UGT1A4: variants seen among roughly 807,000 people sequenced by gnomAD.
UGT1A4 encodes the protein UDP-glucuronosyltransferase 1A4.
Under a neutral mutation model 41.1 loss-of-function variants are expected in UGT1A4, and 32 were observed. The observed-to-expected ratio is 0.78, with a 90% CI of 0.59 to 1.05. The LOEUF is 1.05. UGT1A4 is among the 50% of genes least tolerant of loss of function. The pLI is 0.00. For synonymous variants in UGT1A4, 283 were observed against 265.1 expected (o/e 1.07, Z -0.66); for missense variants, 748 against 677.4 (o/e 1.10, Z -1.16).
chr2:233,766,561 C>T (rs1699182212), intron 1 of UGT1A4, among the ~76,000 whole-genome samples: 1 of 152,200 alleles, frequency 6.6e-6, no homozygotes, highest in Non-Finnish European at 1.5e-5. Context: ...CACCTAGGTC[C>T]ATGGGCACAG....
At chr2:233,762,468 G>A (rs976449997) in intron 1 of UGT1A4, among the ~76,000 whole-genome samples, 1 of 152,122 alleles carries the variant, frequency 6.6e-6, no homozygotes, top group Non-Finnish European at 1.5e-5. Context: ...TAATGTCATG[G>A]ATATCACTCC....
At chr2:233,768,117 T>G in intron 3 of UGT1A4, 103 bp from the exon 4 acceptor site, 1 of 1,600,038 alleles carries the variant, frequency 6.2e-7, no homozygotes, top group Non-Finnish European at 8.5e-7. Context: ...TGCAAGGGCA[T>G]GTGAGTAACA....
intron 1 of UGT1A4, chr2:233,741,005 T>G (rs1691537974): frequency 6.6e-6 from 1 of 151,828 alleles, no homozygotes; most frequent in African/African-American, 2.4e-5. Context: ...AAGGATCACT[T>G]GAGCCCAGGA....
At position 233,724,363 on chromosome 2, in the gene UGT1A4, CG is replaced by C. The variant is rs1443552589; in HGVS notation, c.867+4680del. On this transcript the variant is annotated intron_variant, in intron 1 of 4. Transcript: ENST00000373409. Reference sequence around the variant, plus strand: ...TGACCCCCCCCACCTCCCTCCCGGACGGGGTGGCTGCCGGGCGGAGACGCTC... The same window carrying C: ...TGACCCCCCCCACCTCCCTCCCGGACGGGTGGCTGCCGGGCGGAGACGCTC... Among the ~76,000 whole-genome samples the C allele has an allele frequency of 1.2e-4, 16 of 136,858 alleles. 1 individual carries two copies. The highest frequency in any genetic ancestry group is 2.1e-4 in the Non-Finnish European group (13 of 62,642). 89.8% of individuals were successfully genotyped at this position (136,858 alleles called of 152,430 possible). A position where few individuals can be genotyped will look rare whatever the true frequency, so the allele number is the denominator to read the frequency against.
chr2:233,745,956 G>A (rs1296712691), intron 1 of UGT1A4, among the ~76,000 whole-genome samples: 5 of 151,652 alleles, frequency 3.3e-5, no homozygotes, highest in Admixed American at 2.6e-4. Context: ...GCAACTGGGG[G>A]ACAGGGGCCC....
chr2:233,727,133 C>G (rs1484837556), intron 1 of UGT1A4, among the ~76,000 whole-genome samples: 1 of 152,194 alleles, frequency 6.6e-6, no homozygotes, highest in African/African-American at 2.4e-5. Flanking sequence ...CAGAGGGGAA[C>G]AAGACCACAC....
intron 1 of UGT1A4, among the ~76,000 whole-genome samples, chr2:233,751,824 C>T (rs377308595): frequency 8.3e-4 from 127 of 152,144 alleles, no homozygotes; most frequent in African/African-American, 2.9e-3. Context: ...GCCTCCCCAG[C>T]CATGTGGAAC....
chr2:233,753,997 G>A (rs1199006264), intron 1 of UGT1A4, among the ~76,000 whole-genome samples: 1 of 152,188 alleles, frequency 6.6e-6, no homozygotes, highest in East Asian at 1.9e-4. Flanking sequence ...CCAAGTTTGG[G>A]TAATTTGTTA....
chr2:233,743,918 C>T, intron 1 of UGT1A4: 1 of 1,363,786 alleles, frequency 7.3e-7, no homozygotes, highest in East Asian at 4.6e-5. Context: ...GTCCACCATG[C>T]TGGATGGCCA....
At position 233,768,350 on chromosome 2, in the gene UGT1A4, G is replaced by A; in HGVS notation, c.1218G>A (p.Glu406=). 1 of 1,614,182 alleles carries A rather than the reference G, an allele frequency of 6.2e-7. No individual in the cohort carries two copies. Among genetic ancestry groups the A allele is most frequent in the East Asian group, 2.2e-5 (1 of 44,880 alleles). Residue 406 remains glutamate, a synonymous_variant, in exon 4 of 5, where the codon GAG becomes GAA. Transcript: ENST00000373409. ...GDQMDNAKRM[E]TKGAGVTLNV... is the part of the protein sequence containing the mutation. ...AGATGGACAATGCAAAGCGCATGGA[G>A]ACTAAGGGAGCTGGAGTGACCCTGA... is the stretch of plus-strand genomic sequence containing the variant.
chr2:233,729,864 G>A (rs567615944), intron 1 of UGT1A4: 25 of 1,613,784 alleles, frequency 1.5e-5, no homozygotes, highest in African/African-American at 2.7e-5. Flanking sequence ...TGTCAGTGGT[G>A]GATATTCTCA....
At chr2:233,757,539 T>TATATACATATACATAC (rs762018928) in intron 1 of UGT1A4, among the ~76,000 whole-genome samples, 3 of 115,748 alleles carry the variant, frequency 2.6e-5, no homozygotes, top group Admixed American at 2.5e-4. Context: ...GTAAGGAATA[T>TATATACATATACATAC]ATATATATAT....
intron 1 of UGT1A4, among the ~76,000 whole-genome samples, chr2:233,735,339 T>TG (rs1286077352): frequency 6.6e-6 from 1 of 151,862 alleles, no homozygotes; most frequent in African/African-American, 2.4e-5. Flanking sequence ...AACCCCTGCT[T>TG]TTTTTTTGCT....
chr2:233,760,637 A>G (rs1399740159), intron 1 of UGT1A4: 1 of 1,614,182 alleles, frequency 6.2e-7, no homozygotes, highest in South Asian at 1.1e-5. Context: ...AAGAAAATAA[A>G]AAAGGACTCT....
In UGT1A4 at chr2:233,769,727, C is replaced by T. The variant is rs565012601; in HGVS notation, c.1307+1288C>T. The stretch of plus-strand genomic sequence containing the variant: ...AATGTTGGCTAGGCACCATGGCACA[C>T]GCCTGTAGTCCCAGCCACTCTGGAG... On this transcript the variant is annotated intron_variant, in intron 4 of 4. Transcript: ENST00000373409. This position sits in a 1 kb window ranked among gnomAD's most constrained non-coding sequence, Gnocchi z 4.4. 4.8e-4 allele frequency: 703 copies of T among 1,471,542 alleles called. 1 individual carries two copies. Among genetic ancestry groups the T allele is most frequent in the Non-Finnish European group, 5.6e-4 (625 of 1,109,932 alleles). The allele number at this position is 1,471,542 out of a possible 1,614,324, so 91.2% of individuals were successfully genotyped here. A position where few individuals can be genotyped will look rare whatever the true frequency, so the allele number is the denominator to read the frequency against.
At chr2:233,731,449 C>T (rs2078164021) in intron 1 of UGT1A4, among the ~76,000 whole-genome samples, 1 of 152,132 alleles carries the variant, frequency 6.6e-6, no homozygotes, top group South Asian at 2.1e-4. Flanking sequence ...CCCCACCCCA[C>T]AACAGGCCCT....
chr2:233,719,659 A>G lies in UGT1A4; in HGVS notation c.839A>G (p.Asn280Ser). 1.9e-6 allele frequency: 3 copies of G among 1,614,092 alleles called. No homozygotes were observed. Among genetic ancestry groups the G allele is most frequent in the South Asian group, 1.1e-5 (1 of 91,080 alleles). ...AACATGGTCTTCATTGGGGGCATCAACTGTGCCAACGGGAAGCCACTATCT... is the reference window on the plus strand; with the variant it reads ...AACATGGTCTTCATTGGGGGCATCAGCTGTGCCAACGGGAAGCCACTATCT... ...MPNMVFIGGI[N>S]CANGKPLSQE... Residue 280 changes from asparagine (N) to serine (S), a missense_variant, in exon 1 of 5, where the codon AAC becomes AGC. Physicochemically the swap from Asn to Ser is conservative, Grantham distance 46 (BLOSUM62 1). Transcript: ENST00000373409.
At chr2:233,726,769 C>T (rs751538762) in intron 1 of UGT1A4, among the ~76,000 whole-genome samples, 7 of 152,200 alleles carry the variant, frequency 4.6e-5, no homozygotes, top group Non-Finnish European at 8.8e-5. Context: ...AGACACTAAG[C>T]TTAAAGTGAA....
At chr2:233,768,463 T>C (rs372004705) in intron 4 of UGT1A4, 24 bp downstream of exon 4, 2 of 1,607,816 alleles carry the variant, frequency 1.2e-6, no homozygotes, top group African/African-American at 2.7e-5. Flanking sequence ...TACAGAAGAA[T>C]ACTTTGGTCA....
Sources: allele counts gnomAD v4.1 joint callset (sites outside exome capture counted in the v4.1 genomes callset), GRCh38; gene constraint gnomAD v4.1.1; non-coding constraint Gnocchi (gnomAD v3.1); transcripts MANE v1.5; gene names NCBI Gene and HGNC (gene_info 2026-07-23, HGNC 2026-07-21).